The following KLF12 variants were observed in gnomAD, a reference collection of about 807,000 sequenced individuals.
KLF12 encodes the protein KLF transcription factor 12, also known as Krueppel-like factor 12.
A neutral mutation model predicts 37.8 loss-of-function variants in KLF12; 9 were observed. The ratio of observed to expected loss-of-function variants is 0.24; its 90% CI spans 0.14 to 0.42. The LOEUF (loss-of-function observed/expected upper bound fraction) is 0.42. Ranked by LOEUF, KLF12 falls within the 10% of genes least tolerant of loss-of-function variation. The pLI, the probability that KLF12 is intolerant of heterozygous loss-of-function variation, is 1.00. For synonymous variants in KLF12, 208 were observed against 202.1 expected (o/e 1.03, Z -0.25); for missense variants, 411 against 516.0 (o/e 0.80, Z 1.97).
chr13:73,811,395 A>G (rs1882935615), intron 5 of KLF12, among the ~76,000 whole-genome samples: 1 of 152,172 alleles, frequency 6.6e-6, no homozygotes, highest in Admixed American at 6.6e-5. Flanking sequence ...TGTGACTGGA[A>G]AAGTCATCAA....
At chr13:73,708,671 G>A (rs1566310087) in intron 7 of KLF12, among the ~76,000 whole-genome samples, 1 of 152,082 alleles carries the variant, frequency 6.6e-6, no homozygotes, top group African/African-American at 2.4e-5. Context: ...TTAGAAAATA[G>A]TGAGAATTCT....
intron 6 of KLF12, among the ~76,000 whole-genome samples, chr13:73,757,874 T>C (rs1369008665): frequency 6.6e-6 from 1 of 152,206 alleles, no homozygotes; most frequent in Non-Finnish European, 1.5e-5. Context: ...TCTTTCTATA[T>C]ATATGAAATA....
chr13:74,047,933 C>T (rs1185331505), intron 1 of KLF12, among the ~76,000 whole-genome samples: 1 of 152,204 alleles, frequency 6.6e-6, no homozygotes. Flanking sequence ...TTCTCGCATT[C>T]CAAGTGCAAA....
intron 2 of KLF12, among the ~76,000 whole-genome samples, chr13:73,975,556 G>C (rs1891489903): frequency 1.3e-5 from 2 of 152,114 alleles, no homozygotes; most frequent in South Asian, 4.1e-4. Context: ...TCGATCCAGT[G>C]CTTTTTATAT....
At chr13:74,287,629 A>C in the KLF12 span, among the ~76,000 whole-genome samples, 2 of 152,222 alleles carry the variant, frequency 1.3e-5, no homozygotes, top group African/African-American at 4.8e-5. Context: ...CCTGTGATTT[A>C]GATTGCTATG....
the KLF12 span, among the ~76,000 whole-genome samples, chr13:74,268,077 C>G: frequency 6.6e-6 from 1 of 152,158 alleles, no homozygotes. Context: ...GACCCCGGAA[C>G]TGTGAGAGAA....
intron 5 of KLF12, among the ~76,000 whole-genome samples, chr13:73,780,311 G>T (rs771005619): frequency 6.6e-6 from 1 of 151,994 alleles, no homozygotes; most frequent in African/African-American, 2.4e-5. Flanking sequence ...CCTTAATGGC[G>T]ATTTCTGAGA....
the KLF12 span, among the ~76,000 whole-genome samples, chr13:74,156,543 G>T: frequency 1.3e-5 from 2 of 151,046 alleles, no homozygotes; most frequent in East Asian, 3.9e-4. Flanking sequence ...ACCTTATTGT[G>T]CTATCAAATA....
chr13:74,000,405 G>A (rs1469626808), intron 1 of KLF12, among the ~76,000 whole-genome samples: 1 of 150,218 alleles, frequency 6.7e-6, no homozygotes, highest in Non-Finnish European at 1.5e-5. Flanking sequence ...ATGGCAATAG[G>A]AGAAAGATTT....
At chr13:73,711,139 A>G (rs1277317432) in intron 7 of KLF12, among the ~76,000 whole-genome samples, 2 of 152,210 alleles carry the variant, frequency 1.3e-5, no homozygotes, top group Non-Finnish European at 2.9e-5. Context: ...CTGCAGAAGG[A>G]AAGTTGGAAG....
At chr13:73,877,094 G>A (rs1886744578) in intron 3 of KLF12, among the ~76,000 whole-genome samples, 1 of 151,140 alleles carries the variant, frequency 6.6e-6, no homozygotes, top group Admixed American at 6.6e-5. Flanking sequence ...CAATTTCTTT[G>A]GGAAATTATA....
chr13:73,714,252 G>A (rs959355545), intron 7 of KLF12, among the ~76,000 whole-genome samples: 1 of 152,172 alleles, frequency 6.6e-6, no homozygotes, highest in African/African-American at 2.4e-5. Context: ...AGACCAGCCT[G>A]GCCAACATAG....
chr13:73,872,953 G>A (rs144164052), intron 3 of KLF12, among the ~76,000 whole-genome samples: 24 of 152,222 alleles, frequency 1.6e-4, no homozygotes, highest in African/African-American at 5.5e-4. Flanking sequence ...TTTGACCACT[G>A]CTATCTTCCA....
At chr13:74,018,574 TA>T (rs1302514617) in intron 1 of KLF12, among the ~76,000 whole-genome samples, 1 of 152,140 alleles carries the variant, frequency 6.6e-6, no homozygotes, top group African/African-American at 2.4e-5. Context: ...TTATATCAGT[TA>T]AAAAAATAAA....
intron 2 of KLF12, among the ~76,000 whole-genome samples, chr13:73,971,538 C>G (rs1566487979): frequency 6.6e-6 from 1 of 152,116 alleles, no homozygotes; most frequent in Non-Finnish European, 1.5e-5. Context: ...GGAAAAGGTA[C>G]TAAACCATCA....
At chr13:74,104,316 G>GT (rs1314855091) in intron 1 of KLF12, among the ~76,000 whole-genome samples, 1 of 152,172 alleles carries the variant, frequency 6.6e-6, no homozygotes, top group Non-Finnish European at 1.5e-5. Context: ...TTATTCAACC[G>GT]TAACTGTACA....
the KLF12 span, among the ~76,000 whole-genome samples, chr13:74,196,341 G>A: frequency 6.6e-6 from 1 of 152,172 alleles, no homozygotes; most frequent in Non-Finnish European, 1.5e-5. Flanking sequence ...AGAAGGAGGA[G>A]GGAGAGAGAA....
At chr13:73,978,523 C>T (rs1891604815) in intron 2 of KLF12, among the ~76,000 whole-genome samples, 1 of 152,182 alleles carries the variant, frequency 6.6e-6, no homozygotes, top group Non-Finnish European at 1.5e-5. Context: ...CAAAATGAAA[C>T]AGCCACTTTG....
chr13:73,874,721 C>T (rs1298316288), intron 3 of KLF12, among the ~76,000 whole-genome samples: 7 of 152,142 alleles, frequency 4.6e-5, no homozygotes, highest in Non-Finnish European at 1.5e-5. Context: ...ACTCCCAATT[C>T]AAGTGACTGA....
Sources: gnomAD v4.1 joint callset for allele counts (sites outside exome capture counted in the v4.1 genomes callset) on GRCh38, gnomAD v4.1.1 for gene constraint, MANE v1.5 for transcripts, NCBI Gene and HGNC (gene_info 2026-07-23, HGNC 2026-07-21) for gene names.